Variants in PTAFR observed in about 807,000 individuals in gnomAD.
The protein encoded by PTAFR is platelet-activating factor receptor.
PTAFR carries 8 observed loss-of-function variants against 14.7 expected under a neutral mutation model. That is an observed-to-expected ratio of 0.54 (90% CI 0.32 to 0.98). The LOEUF is 0.98. Among genes scored for constraint, PTAFR ranks in the 50% least tolerant of loss-of-function variants. PTAFR has a pLI of 0.04. For synonymous variants in PTAFR, 156 were observed against 176.5 expected, an observed-to-expected ratio of 0.88 and a Z score of 0.92; for missense variants, 337 against 451.2, an observed-to-expected ratio of 0.75 and a Z score of 2.29.
chr1:28,187,386 T>C (rs553722902), intron 1 of PTAFR, among the ~76,000 whole-genome samples: 1 of 152,242 alleles, frequency 6.6e-6, no homozygotes, highest in East Asian at 1.9e-4. Flanking sequence ...ATAATAAAAT[T>C]AGATCTCTCA....
intron 1 of PTAFR, among the ~76,000 whole-genome samples, chr1:28,186,916 C>T (rs547765567): frequency 6.6e-6 from 1 of 152,186 alleles, no homozygotes; most frequent in South Asian, 2.1e-4. Flanking sequence ...CAGAGGGAGA[C>T]TCCATGTCAA....
At chr1:28,172,603 G>A (rs1186551403) in intron 1 of PTAFR, among the ~76,000 whole-genome samples, 1 of 152,194 alleles carries the variant, frequency 6.6e-6, no homozygotes, top group African/African-American at 2.4e-5. Flanking sequence ...CTCAATAACT[G>A]TGAACTCCCT....
intron 1 of PTAFR, among the ~76,000 whole-genome samples, chr1:28,175,420 ACT>A (rs968929584): frequency 2.0e-4 from 30 of 150,916 alleles, no homozygotes; most frequent in African/African-American, 5.6e-4. Context: ...CTTCTCTAGC[ACT>A]CCCCAACACA....
chr1:28,168,755 G>A (rs1289784483), intron 1 of PTAFR, among the ~76,000 whole-genome samples: 3 of 152,040 alleles, frequency 2.0e-5, no homozygotes, highest in African/African-American at 4.8e-5. Context: ...CACAACCTCC[G>A]CCTCCTGGGT....
At chr1:28,187,773 A>AT (rs1315534947) in intron 1 of PTAFR, among the ~76,000 whole-genome samples, 50 of 152,350 alleles carry the variant, frequency 3.3e-4, no homozygotes, top group African/African-American at 1.2e-3. Flanking sequence ...GTGAGGCACC[A>AT]TGCCCAGCCA....
upstream of PTAFR, among the ~76,000 whole-genome samples, chr1:28,177,362 A>G (rs1262260916): frequency 6.6e-6 from 1 of 152,160 alleles, no homozygotes; most frequent in Non-Finnish European, 1.5e-5. Flanking sequence ...GAGACCAAGA[A>G]ACATTGAGCC....
chr1:28,158,747 TAAG>T (rs1466678064), intron 1 of PTAFR, among the ~76,000 whole-genome samples: 2 of 151,938 alleles, frequency 1.3e-5, no homozygotes, highest in African/African-American at 4.8e-5. Flanking sequence ...GAGGTTAGTC[TAAG>T]GAGTCTGGAC....
upstream of PTAFR, among the ~76,000 whole-genome samples, chr1:28,179,918 G>T (rs2149005739): frequency 6.6e-6 from 1 of 152,198 alleles, no homozygotes; most frequent in South Asian, 2.1e-4. Context: ...ATAAATTAAA[G>T]GACCTCATAA....
chr1:28,189,760 G>A (rs2149009541), intron 1 of PTAFR, among the ~76,000 whole-genome samples: 2 of 151,302 alleles, frequency 1.3e-5, no homozygotes, highest in Middle Eastern at 6.8e-3. Context: ...CCACCTCCTG[G>A]GCTCAAGGCG....
chr1:28,166,896 G>C (rs1228188325), intron 1 of PTAFR, among the ~76,000 whole-genome samples: 2 of 152,132 alleles, frequency 1.3e-5, no homozygotes, highest in Non-Finnish European at 2.9e-5. Context: ...AGGATACCTT[G>C]AGCCCAGGAG....
At chr1:28,188,557 G>A (rs1646624724) in intron 1 of PTAFR, among the ~76,000 whole-genome samples, 1 of 152,112 alleles carries the variant, frequency 6.6e-6, no homozygotes, top group African/African-American at 2.4e-5. Context: ...CGGCCAACGT[G>A]GTGAAACCCC....
intron 1 of PTAFR, among the ~76,000 whole-genome samples, chr1:28,187,982 A>T (rs1646620556): frequency 6.7e-6 from 1 of 149,552 alleles, no homozygotes; most frequent in Non-Finnish European, 1.5e-5. Flanking sequence ...GTTCAAAACC[A>T]GCCTGGGCAA....
intron 1 of PTAFR, among the ~76,000 whole-genome samples, chr1:28,183,929 T>C (rs551397166): frequency 6.0e-4 from 91 of 151,926 alleles, no homozygotes; most frequent in African/African-American, 2.1e-3. Flanking sequence ...AAATGATGGA[T>C]GGATAGATAG....
chr1:28,155,022 C>T (rs1240718649), intron 1 of PTAFR, among the ~76,000 whole-genome samples: 1 of 151,996 alleles, frequency 6.6e-6, no homozygotes, highest in Non-Finnish European at 1.5e-5. Flanking sequence ...TATCAGATGG[C>T]CCTTGCCCTG....
chr1:28,191,951 C>T (rs1646657274), intron 1 of PTAFR, among the ~76,000 whole-genome samples: 1 of 151,926 alleles, frequency 6.6e-6, no homozygotes, highest in Non-Finnish European at 1.5e-5. Context: ...CCTGTGGTCC[C>T]AGTTACTCAT....
At chr1:28,190,845 C>A (rs1557700382) in intron 1 of PTAFR, among the ~76,000 whole-genome samples, 1 of 152,244 alleles carries the variant, frequency 6.6e-6, no homozygotes, top group East Asian at 1.9e-4. Flanking sequence ...TCTCTCACAG[C>A]CTTCCTCAAA....
intron 1 of PTAFR, among the ~76,000 whole-genome samples, chr1:28,154,081 G>GAA (rs71586829): frequency 7.7e-4 from 43 of 55,484 alleles, no homozygotes; most frequent in East Asian, 2.4e-3. Flanking sequence ...CCTTGTCTCA[G>GAA]AAAAAAAAAA....
At chr1:28,169,561 T>C (rs543297532) in intron 1 of PTAFR, among the ~76,000 whole-genome samples, 2 of 152,300 alleles carry the variant, frequency 1.3e-5, no homozygotes, top group South Asian at 4.1e-4. Flanking sequence ...GTTCAGATCT[T>C]ACCTCTCTCA....
chr1:28,176,543 T>C (rs1646517254), intron 1 of PTAFR, 49 bp downstream of exon 1: 1 of 152,612 alleles, frequency 6.6e-6, no homozygotes. Flanking sequence ...CCTGAGGACA[T>C]TTTTATATGC....
Sources: allele counts gnomAD v4.1 joint callset (sites outside exome capture counted in the v4.1 genomes callset), GRCh38; gene constraint gnomAD v4.1.1; transcripts MANE v1.5; gene names NCBI Gene and HGNC (gene_info 2026-07-23, HGNC 2026-07-21).